DPYD: variants seen among roughly 807,000 people sequenced by gnomAD.
The protein encoded by DPYD is dihydropyrimidine dehydrogenase [NADP(+)].
DPYD carries 109 observed loss-of-function variants against 116.2 expected under a neutral mutation model. The ratio of observed to expected loss-of-function variants is 0.94; its 90% CI spans 0.80 to 1.10. The LOEUF is 1.10. DPYD is among the 50% of genes least tolerant of loss of function. DPYD has a pLI of 0.00. For synonymous variants in DPYD, 440 were observed against 432.0 expected (o/e 1.02, Z -0.23); for missense variants, 1,302 against 1,254.5 (o/e 1.04, Z -0.57).
At chr1:97,153,115 A>G (rs1220108170) in intron 20 of DPYD, among the ~76,000 whole-genome samples, 1 of 152,106 alleles carries the variant, frequency 6.6e-6, no homozygotes, top group East Asian at 1.9e-4. Context: ...TCTTTGGTCA[A>G]GGCAAAACTG....
intron 10 of DPYD, among the ~76,000 whole-genome samples, chr1:97,584,944 TATAATA>T (rs375682343): frequency 1.2e-4 from 18 of 146,050 alleles, no homozygotes; most frequent in South Asian, 1.1e-3. Flanking sequence ...AAACTTAAAG[TATAATA>T]ATAATAATAA....
chr1:97,787,725 T>G (rs560853811), intron 3 of DPYD, among the ~76,000 whole-genome samples: 1 of 152,318 alleles, frequency 6.6e-6, no homozygotes, highest in Non-Finnish European at 1.5e-5. Context: ...AATAGAGCAC[T>G]TTTGAAAACT....
At chr1:97,331,482 A>G (rs1165775991) in intron 16 of DPYD, among the ~76,000 whole-genome samples, 1 of 152,102 alleles carries the variant, frequency 6.6e-6, no homozygotes, top group Non-Finnish European at 1.5e-5. Flanking sequence ...CCTGTCTCAA[A>G]CAAACAACCC....
At chr1:97,517,172 GC>G (rs1648293228) in intron 12 of DPYD, among the ~76,000 whole-genome samples, 1 of 152,062 alleles carries the variant, frequency 6.6e-6, no homozygotes, top group Non-Finnish European at 1.5e-5. Flanking sequence ...GCAAAGAGAT[GC>G]CTGATGGGAT....
intron 12 of DPYD, among the ~76,000 whole-genome samples, chr1:97,528,722 T>C (rs1172291628): frequency 6.6e-6 from 1 of 152,186 alleles, no homozygotes; most frequent in East Asian, 1.9e-4. Context: ...AAATCCCATT[T>C]CTATTCTACA....
intron 3 of DPYD, among the ~76,000 whole-genome samples, chr1:97,810,744 G>A (rs995372289): frequency 6.6e-6 from 1 of 151,994 alleles, no homozygotes; most frequent in African/African-American, 2.4e-5. Flanking sequence ...TTCAGCCAGA[G>A]TGATATTTTT....
intron 20 of DPYD, among the ~76,000 whole-genome samples, chr1:97,140,334 C>T (rs917655016): frequency 1.3e-5 from 2 of 152,012 alleles, no homozygotes; most frequent in African/African-American, 2.4e-5. Flanking sequence ...AATATAACTA[C>T]ATTGAAAGCC....
At chr1:97,314,387 AATG>A (rs1397784958) in intron 16 of DPYD, among the ~76,000 whole-genome samples, 1 of 151,626 alleles carries the variant, frequency 6.6e-6, no homozygotes, top group Non-Finnish European at 1.5e-5. Context: ...AACATAACTT[AATG>A]ATGTTTTTTT....
intron 12 of DPYD, among the ~76,000 whole-genome samples, chr1:97,536,942 C>A (rs201240139): frequency 6.6e-6 from 1 of 152,154 alleles, no homozygotes; most frequent in East Asian, 1.9e-4. Context: ...TAAGCCTGTG[C>A]AATTTAAATT....
At chr1:97,808,956 G>T (rs1668214118) in intron 3 of DPYD, among the ~76,000 whole-genome samples, 1 of 151,792 alleles carries the variant, frequency 6.6e-6, no homozygotes, top group Admixed American at 6.6e-5. Flanking sequence ...CTGACCTATG[G>T]TTATTTTGAA....
At chr1:97,884,916 ATTGATCTTT>A (rs1261440006) in intron 1 of DPYD, among the ~76,000 whole-genome samples, 1 of 152,092 alleles carries the variant, frequency 6.6e-6, no homozygotes, top group East Asian at 1.9e-4. Flanking sequence ...TGAGTAAACC[ATTGATCTTT>A]TTGATCTTTG....
chr1:97,527,794 GAAAAAAAA>G (rs35111926), intron 12 of DPYD, among the ~76,000 whole-genome samples: 3 of 112,768 alleles, frequency 2.7e-5, no homozygotes, highest in Non-Finnish European at 5.3e-5. Flanking sequence ...ATGAAATTTG[GAAAAAAAA>G]AAAAAAAAAA....
chr1:97,579,013 G>A (rs954574741), intron 10 of DPYD, among the ~76,000 whole-genome samples: 13 of 152,068 alleles, frequency 8.5e-5, no homozygotes, highest in Admixed American at 3.9e-4. Context: ...TAGTAAACTC[G>A]TTCTCAACAC....
chr1:97,565,762 CTAGTGCCTGAG>C (rs1353426590), intron 11 of DPYD, among the ~76,000 whole-genome samples: 4 of 152,064 alleles, frequency 2.6e-5, no homozygotes, highest in Admixed American at 1.3e-4. Context: ...GTCTGTATTC[CTAGTGCCTGAG>C]TAGTGCCTGG....
intron 11 of DPYD, among the ~76,000 whole-genome samples, chr1:97,569,576 T>G (rs1462689579): frequency 6.6e-6 from 1 of 151,806 alleles, no homozygotes; most frequent in South Asian, 2.1e-4. Context: ...AATCTCCTGA[T>G]AGCCTTTACA....
At chr1:97,809,574 A>G (rs1295298479) in intron 3 of DPYD, among the ~76,000 whole-genome samples, 1 of 152,216 alleles carries the variant, frequency 6.6e-6, no homozygotes, top group Non-Finnish European at 1.5e-5. Flanking sequence ...AAAAAAGACT[A>G]GAAGAGTCAA....
At chr1:97,604,269 A>G (rs1368146967) in intron 8 of DPYD, among the ~76,000 whole-genome samples, 1 of 152,156 alleles carries the variant, frequency 6.6e-6, no homozygotes, top group Non-Finnish European at 1.5e-5. Flanking sequence ...TTTAAGCCTC[A>G]GTTTCCTCAT....
At chr1:97,172,974 C>T (rs775390397) in intron 20 of DPYD, among the ~76,000 whole-genome samples, 1 of 152,048 alleles carries the variant, frequency 6.6e-6, no homozygotes, top group African/African-American at 2.4e-5. Flanking sequence ...ACACTTGTTT[C>T]CTTCTAATTC....
Position 97,515,851 on chromosome 1 carries a change from C to G in DPYD, c.1615G>C (p.Gly539Arg), listed in dbSNP as rs142619737. The change falls in exon 13 of 23, where the codon GGA (glycine) becomes CGA (arginine). Residue 539 changes from glycine to arginine, a missense_variant. Coordinates refer to ENST00000370192, the MANE Select transcript of DPYD (RefSeq NM_000110.4). ...CCAAAAGGATTTATAAACTTCAATCCGGCCATTTCTACACTAATGTCCACC... is the reference window on the plus strand; with the variant it reads ...CCAAAAGGATTTATAAACTTCAATCGGGCCATTTCTACACTAATGTCCACC... ...DLVDISVEMA[G>R]LKFINPFGLA... The G allele has an allele frequency of 8.1e-6, 13 of 1,612,674 alleles. No homozygotes were observed. The Admixed American group carries it at 1.0e-4, about 12-fold the overall frequency.
Sources: allele counts gnomAD v4.1 joint callset (sites outside exome capture counted in the v4.1 genomes callset), GRCh38; gene constraint gnomAD v4.1.1; transcripts MANE v1.5; gene names NCBI Gene and HGNC (gene_info 2026-07-23, HGNC 2026-07-21).